The following KIAA2012 variants were observed in gnomAD, a reference collection of about 807,000 sequenced individuals.
The protein encoded by KIAA2012 is KIAA2012, also known as uncharacterized protein KIAA2012.
In KIAA2012, 125 loss-of-function variants were observed where a neutral mutation model predicts 150.6. That is an observed-to-expected ratio of 0.83 (90% confidence interval 0.72 to 0.96). KIAA2012 has a LOEUF of 0.96. Among genes scored for constraint, KIAA2012 ranks in the 40% least tolerant of loss-of-function variants. The pLI is 0.00. For synonymous variants in KIAA2012, 462 were observed against 504.7 expected (o/e 0.92, Z 1.13); for missense variants, 1,219 against 1,354.9 (o/e 0.90, Z 1.57).
intron 18 of KIAA2012, among the ~76,000 whole-genome samples, chr2:202,189,161 C>T (rs892746749): frequency 4.5e-4 from 68 of 152,240 alleles, no homozygotes; most frequent in East Asian, 2.1e-3. Flanking sequence ...CCTTAGAGTA[C>T]GGAAGGCTGA....
intron 2 of KIAA2012, among the ~76,000 whole-genome samples, chr2:202,081,903 T>C (rs766694468): frequency 4.6e-5 from 7 of 152,288 alleles, no homozygotes; most frequent in Non-Finnish European, 1.0e-4. Context: ...AGCATGATGA[T>C]TGGGTGTTCA....
intron 11 of KIAA2012, among the ~76,000 whole-genome samples, chr2:202,121,471 T>C (rs2105934522): frequency 6.6e-6 from 1 of 152,326 alleles, no homozygotes; most frequent in South Asian, 2.1e-4. Context: ...ATTACATGTG[T>C]GTTTGACTCC....
intron 14 of KIAA2012, among the ~76,000 whole-genome samples, chr2:202,164,544 C>T (rs1017435260): frequency 8.5e-5 from 13 of 152,272 alleles, no homozygotes; most frequent in Admixed American, 2.0e-4. Flanking sequence ...AAACCAAATC[C>T]GTGGTAATCC....
rs1018092846 is a variant in KIAA2012, at chr2:202,138,592, G to A, written c.1908+84G>A. 16 of 974,278 alleles carry A rather than the reference G, an allele frequency of 1.6e-5. No homozygotes were observed. The African/African-American group carries it at 2.5e-4, about 15-fold the overall frequency. 60.4% of individuals were successfully genotyped at this position (974,278 alleles called of 1,614,324 possible). A position where few individuals can be genotyped will look rare whatever the true frequency, so the allele number is the denominator to read the frequency against. Reference sequence around the variant, plus strand: ...TTCAGCTTGCTGTGTGCCCCTCAGTGAGACTCTTTACCTCTCTGGGCCTCA... The same window carrying A: ...TTCAGCTTGCTGTGTGCCCCTCAGTAAGACTCTTTACCTCTCTGGGCCTCA... On this transcript the variant is annotated intron_variant, in intron 13 of 23. Transcript: ENST00000498697.
rs1297309878 is a variant in KIAA2012, at chr2:202,099,644, A to G, written c.860A>G (p.Tyr287Cys). The G allele has an allele frequency of 1.9e-6, 3 of 1,550,320 alleles. No homozygotes were observed. The highest frequency in any genetic ancestry group is 2.6e-6 in the Non-Finnish European group (3 of 1,146,836). Residue 287 changes from tyrosine (Y) to cysteine (C), a missense_variant, in exon 6 of 24, where the codon TAT becomes TGT. Coordinates refer to ENST00000498697, the MANE Select transcript of KIAA2012 (RefSeq NM_001277372.4). Reference sequence around the variant, plus strand: ...TCAATAGAGAATCACCTTTGTTTATATGCTTCAAAGGAGAGCTACAATGAA... The same window carrying G: ...TCAATAGAGAATCACCTTTGTTTATGTGCTTCAAAGGAGAGCTACAATGAA... ...DTSIENHLCL[Y>C]ASKESYNEKT...
At chr2:202,189,602 A>G (rs1451558854) in intron 18 of KIAA2012, among the ~76,000 whole-genome samples, 4 of 151,998 alleles carry the variant, frequency 2.6e-5, no homozygotes, top group African/African-American at 9.7e-5. Context: ...AATAGAACTT[A>G]TTTAATAGCA....
intron 15 of KIAA2012, among the ~76,000 whole-genome samples, chr2:202,173,937 T>C (rs1488184020): frequency 6.6e-6 from 1 of 152,184 alleles, no homozygotes; most frequent in Non-Finnish European, 1.5e-5. Context: ...CACACTTGAA[T>C]ACTTGAATGG....
At chr2:202,088,499 GC>G (rs1484728560) in intron 2 of KIAA2012, among the ~76,000 whole-genome samples, 1 of 152,162 alleles carries the variant, frequency 6.6e-6, no homozygotes, top group Non-Finnish European at 1.5e-5. Context: ...CCATCTTCAA[GC>G]AAAGCCTCTG....
At chr2:202,122,498 CTTTTTTT>C (rs368758133) in intron 11 of KIAA2012, among the ~76,000 whole-genome samples, 1 of 119,204 alleles carries the variant, frequency 8.4e-6, no homozygotes, top group African/African-American at 3.6e-5. Context: ...CAAATCCGCT[CTTTTTTT>C]TTTTTTTTTT....
At chr2:202,078,170 A>G (rs1040954061) in intron 2 of KIAA2012, among the ~76,000 whole-genome samples, 1 of 152,396 alleles carries the variant, frequency 6.6e-6, no homozygotes, top group South Asian at 2.1e-4. Flanking sequence ...CACTGAAAAC[A>G]GTAAATGCCC....
At chr2:202,094,455 A>G (rs1689810958) in intron 4 of KIAA2012, among the ~76,000 whole-genome samples, 1 of 151,960 alleles carries the variant, frequency 6.6e-6, no homozygotes, top group African/African-American at 2.4e-5. Context: ...AACCAACCAC[A>G]CATCTCACTT....
At chr2:202,084,254 C>T (rs1689513078) in intron 2 of KIAA2012, among the ~76,000 whole-genome samples, 2 of 152,178 alleles carry the variant, frequency 1.3e-5, no homozygotes, top group South Asian at 4.1e-4. Flanking sequence ...GGGACTCTGG[C>T]TCCCTGCCAC....
In KIAA2012 at chr2:202,090,100, T is replaced by G. The variant is rs1427773780; in HGVS notation, c.370-670T>G. 3.3e-5 allele frequency among the ~76,000 whole-genome samples: 5 copies of G among 152,308 alleles called. No individual in the cohort carries two copies. In the South Asian group the frequency reaches 1.0e-3, roughly 32 times the overall value. On this transcript the variant is annotated intron_variant, in intron 2 of 23. Transcript: ENST00000498697. ...TGCCTAAGCAATCATCCTCTGAGAG[T>G]TTCTACATCACTTAAGTGGTTGTAG...
At chr2:202,198,746 G>A (rs1264499891) in intron 22 of KIAA2012, among the ~76,000 whole-genome samples, 2 of 152,152 alleles carry the variant, frequency 1.3e-5, no homozygotes, top group Admixed American at 6.6e-5. Context: ...CGAAAACCGT[G>A]TGATTCCAAC....
chr2:202,117,566 C>T (rs1690557029), intron 11 of KIAA2012, among the ~76,000 whole-genome samples: 1 of 152,170 alleles, frequency 6.6e-6, no homozygotes, highest in Admixed American at 6.5e-5. Context: ...TGGTTTTATT[C>T]CCACCTGTAC....
chr2:202,199,565 C>G (rs1383087301), intron 22 of KIAA2012, among the ~76,000 whole-genome samples: 2 of 152,158 alleles, frequency 1.3e-5, no homozygotes, highest in East Asian at 3.8e-4. Context: ...CAATGCTGAA[C>G]TTCCAGAACA....
intron 14 of KIAA2012, among the ~76,000 whole-genome samples, chr2:202,164,350 A>G (rs1188534989): frequency 1.3e-5 from 2 of 152,020 alleles, no homozygotes; most frequent in African/African-American, 2.4e-5. Context: ...AAATGCCCCA[A>G]CTCCAGCTGT....
chr2:202,112,776 T>A (rs1212610509), intron 10 of KIAA2012, among the ~76,000 whole-genome samples: 1 of 152,254 alleles, frequency 6.6e-6, no homozygotes, highest in Non-Finnish European at 1.5e-5. Context: ...ACTTGTTTTT[T>A]ACTTTTACAG....
intron 15 of KIAA2012, among the ~76,000 whole-genome samples, chr2:202,166,674 A>G (rs74965701): frequency 6.4e-4 from 39 of 61,252 alleles, no homozygotes; most frequent in South Asian, 3.6e-3. Flanking sequence ...AAACAAAAAC[A>G]AAAAAAAAAA....
Sources: allele counts gnomAD v4.1 joint callset (sites outside exome capture counted in the v4.1 genomes callset), GRCh38; gene constraint gnomAD v4.1.1; transcripts MANE v1.5; gene names NCBI Gene and HGNC (gene_info 2026-07-23, HGNC 2026-07-21).